Variants in CHIT1 observed in about 807,000 individuals in gnomAD.
CHIT1 encodes the protein chitotriosidase-1.
CHIT1 carries 47 observed loss-of-function variants against 52.0 expected under a neutral mutation model. The ratio of observed to expected loss-of-function variants is 0.90; its 90% CI spans 0.71 to 1.15. CHIT1 has a LOEUF of 1.15. Ranked by LOEUF, CHIT1 falls within the 50% of genes most tolerant of loss-of-function variation. CHIT1 has a pLI of 0.00. For synonymous variants in CHIT1, 242 were observed against 228.2 expected (o/e 1.06, Z -0.54); for missense variants, 569 against 583.0 (o/e 0.98, Z 0.25).
chr1:203,217,046 C>G lies in CHIT1; in HGVS notation c.1244G>C (p.Gly415Ala), dbSNP rs145865814. 1.2e-6 allele frequency: 2 copies of G among 1,614,040 alleles called. No homozygotes were observed. The highest frequency in any genetic ancestry group is 1.7e-6 in the Non-Finnish European group (2 of 1,180,042). Reference protein sequence around the residue: ...PSEPEHGPSPGQDTFCQGKAD... With the variant: ...PSEPEHGPSPAQDTFCQGKAD... ...TTTGCCCTGGCAGAACGTGTCTTGT[C>G]CAGGGCTGGGGCCATGCTCAGGTTC... Residue 415 changes from glycine (G) to alanine (A), a missense_variant, in exon 11 of 11, where the codon GGA becomes GCA. Coordinates refer to ENST00000367229, the MANE Select transcript of CHIT1 (RefSeq NM_003465.3).
Position 203,223,010 on chromosome 1 carries a change from G to A in CHIT1, c.605+125C>T, listed in dbSNP as rs1193952861. ...GGGAATTTTCTGCTTTTGTTCTGGT[G>A]TAAGGATGGGACTTTCCAAATGCCT... On this transcript the variant is annotated intron_variant, in intron 6 of 10. Transcript: ENST00000367229. 18 of 1,308,104 alleles carry A rather than the reference G, an allele frequency of 1.4e-5. No individual in the cohort carries two copies. In the East Asian group the frequency reaches 2.1e-4, roughly 15 times the overall value. The allele number at this position is 1,308,104 out of a possible 1,614,324, so 81.0% of individuals were successfully genotyped here.
chr1:203,223,452 G>A, intron 5 of CHIT1, 43 bp downstream of exon 5: 1 of 1,612,000 alleles, frequency 6.2e-7, no homozygotes, highest in Non-Finnish European at 8.5e-7. Context: ...TCCAGCTCTG[G>A]GTCCCTGCAC....
In CHIT1 at chr1:203,225,078, G is replaced by T. The variant is rs201565452; in HGVS notation, c.284C>A (p.Ala95Asp). Residue 95 changes from alanine (A) to aspartate (D), a missense_variant, in exon 4 of 11, where the codon GCC (alanine) becomes GAC (aspartate). Ala to Asp is a moderately radical substitution (Grantham distance 126, BLOSUM62 -2). Transcript: ENST00000367229. ...KMNPKLKTLLAIGGWNFGTQK... is the reference protein window; with the variant it reads ...KMNPKLKTLLDIGGWNFGTQK... ...AGTGCCGAAATTCCAGCCTCCGATGGCTAACAGGGTCTTCAGCTTGGGATT... is the reference window on the plus strand; with the variant it reads ...AGTGCCGAAATTCCAGCCTCCGATGTCTAACAGGGTCTTCAGCTTGGGATT... 1 of 1,613,860 alleles carries T rather than the reference G, an allele frequency of 6.2e-7. No individual in the cohort carries two copies. Among genetic ancestry groups the T allele is most frequent in the South Asian group, 1.1e-5 (1 of 91,076 alleles).
rs1335957113 is a variant in CHIT1 at position 203,219,729 on chromosome 1, G to A, written c.850C>T (p.Pro284Ser). 3.1e-6 allele frequency: 5 copies of A among 1,613,914 alleles called. No individual in the cohort carries two copies. The highest frequency in any genetic ancestry group is 3.3e-5 in the Admixed American group (2 of 59,998). The change falls in exon 8 of 11, where the codon CCA (proline) becomes TCA (serine). Residue 284 changes from proline to serine, a missense_variant. Pro to Ser is a moderately conservative substitution (Grantham distance 74). Transcript: ENST00000367229. ...CCTGGAGTGCCAGACCCTGTGGCTG[G>A]GGCCCCCACTCTGGTGTCTGATGAG... is the stretch of plus-strand genomic sequence containing the variant. ...ASSSDTRVGA[P>S]ATGSGTPGPF...
chr1:203,225,816 C>T lies in CHIT1; in HGVS notation c.110G>A (p.Gly37Glu). 6.2e-7 allele frequency: 1 copy of T among 1,614,164 alleles called. No individual in the cohort carries two copies. Among genetic ancestry groups the T allele is most frequent in the South Asian group, 1.1e-5 (1 of 91,084 alleles). ...YFTNWAQYRQ[G>E]EARFLPKDLD... ...GTCCTTGGGCAGGAAGCGAGCCTCC[C>T]CCTGTCTGTACTGGGCCCAGTTGGT... Residue 37 changes from glycine to glutamate, a missense_variant, in exon 3 of 11, where the codon GGG (glycine) becomes GAG (glutamate). Gly to Glu is a moderately conservative substitution (Grantham distance 98). Coordinates refer to ENST00000367229, the MANE Select transcript of CHIT1 (RefSeq NM_003465.3).
chr1:203,223,628 C>T lies in CHIT1; in HGVS notation c.347G>A (p.Arg116His), dbSNP rs575619015. ...FTDMVATANN[R>H]QTFVNSAIRF... ...GATGGCCGAGTTGACAAAGGTCTGA[C>T]GGTTGTTGGCCGTGGCTACCATATC... Residue 116 changes from arginine (R) to histidine (H), a missense_variant, in exon 5 of 11, where the codon CGT (arginine) becomes CAT (histidine). Coordinates refer to ENST00000367229, the MANE Select transcript of CHIT1 (RefSeq NM_003465.3). 1.6e-5 allele frequency: 26 copies of T among 1,614,230 alleles called. No homozygotes were observed. Among genetic ancestry groups the T allele is most frequent in the East Asian group, 4.5e-5 (2 of 44,890 alleles).
chr1:203,217,961 C>T (rs777185350), intron 9 of CHIT1, 96 bp from the exon 10 acceptor site: 27 of 1,542,456 alleles, frequency 1.8e-5, no homozygotes, highest in Non-Finnish European at 2.4e-5. Flanking sequence ...CCTTTTTGCT[C>T]CAGCAGCCTC....
chr1:203,229,615 C>T lies in CHIT1; in HGVS notation c.22G>A (p.Ala8Thr), dbSNP rs748820225. The change falls in exon 1 of 11, where the codon GCA (alanine) becomes ACA (threonine). Residue 8 changes from alanine (A) to threonine (T), a missense_variant. Physicochemically the swap from Ala to Thr is moderately conservative, Grantham distance 58 (BLOSUM62 0). Coordinates refer to ENST00000367229, the MANE Select transcript of CHIT1 (RefSeq NM_003465.3). ...AGCCCACTATCCGACGGCTCACCTG[C>T]CCAGGCCACAGACCGCACCATGATG... is the stretch of plus-strand genomic sequence containing the variant. MVRSVAWAGFMVLLMIPW... is the reference protein window; with the variant it reads MVRSVAWTGFMVLLMIPW... The T allele has an allele frequency of 6.2e-6, 10 of 1,613,986 alleles. No individual in the cohort carries two copies. The highest frequency in any genetic ancestry group is 8.5e-6 in the Non-Finnish European group (10 of 1,180,018).
rs140151000 is a variant in CHIT1, at chr1:203,219,777, C to T, written c.802G>A (p.Gly268Arg). The T allele has an allele frequency of 2.0e-4, 316 of 1,613,326 alleles. 1 individual carries two copies. The African/African-American group carries it at 3.9e-3, about 20-fold the overall frequency. Residue 268 changes from glycine to arginine, a missense_variant, in exon 8 of 11, where the codon GGA becomes AGA. Physicochemically the swap from Gly to Arg is moderately radical, Grantham distance 125. Transcript: ENST00000367229. ...SKLILGMPTYGRSFTLASSSD... is the reference protein window; with the variant it reads ...SKLILGMPTYRRSFTLASSSD... Reference sequence around the variant, plus strand: ...GAGGAGGCCAGTGTGAAGGAGCGTCCGTAGGTAGGCATGCCAAGGATCAGC... The same window carrying T: ...GAGGAGGCCAGTGTGAAGGAGCGTCTGTAGGTAGGCATGCCAAGGATCAGC...
At chr1:203,222,918 G>A (rs1571847264) in intron 6 of CHIT1, among the ~76,000 whole-genome samples, 1 of 152,306 alleles carries the variant, frequency 6.6e-6, no homozygotes, top group South Asian at 2.1e-4. Context: ...ATCTGGAACA[G>A]GGCAGCAGTG....
intron 8 of CHIT1, 97 bp from the exon 9 acceptor site, chr1:203,219,426 T>C (rs1656651906): frequency 1.1e-6 from 1 of 929,390 alleles, no homozygotes; most frequent in East Asian, 2.4e-5. Flanking sequence ...GGAAAATTCC[T>C]GTCTGAGGAA....
chr1:203,229,067 G>A (rs868275369), intron 1 of CHIT1, among the ~76,000 whole-genome samples: 2 of 152,156 alleles, frequency 1.3e-5, no homozygotes, highest in Non-Finnish European at 2.9e-5. Context: ...CAGCCTTGGA[G>A]ACCTAGGGTC....
At chr1:203,218,559 G>A (rs1243081272) in intron 9 of CHIT1, among the ~76,000 whole-genome samples, 1 of 152,062 alleles carries the variant, frequency 6.6e-6, no homozygotes, top group Non-Finnish European at 1.5e-5. Flanking sequence ...CTGCACCCGC[G>A]TCTTTGCTTG....
rs1246065511 is a variant in CHIT1 at position 203,219,796 on chromosome 1, G to T, written c.783C>A (p.Ile261=). 20 of 1,612,932 alleles carry T rather than the reference G, an allele frequency of 1.2e-5. No individual in the cohort carries two copies. Among genetic ancestry groups the T allele is most frequent in the Non-Finnish European group, 1.6e-5 (19 of 1,179,900 alleles). ...AGCGTCCGTAGGTAGGCATGCCAAG[G>T]ATCAGCTTGCTGGCAGGGGTCCCCT... is the stretch of plus-strand genomic sequence containing the variant. The part of the protein sequence containing the change: ...LQKGTPASKL[I]LGMPTYGRSF... The change falls in exon 8 of 11, where the codon ATC becomes ATA. Residue 261 remains isoleucine (I), a synonymous_variant. Coordinates refer to ENST00000367229, the MANE Select transcript of CHIT1 (RefSeq NM_003465.3).
chr1:203,226,212 C>T (rs1558163194), intron 2 of CHIT1, among the ~76,000 whole-genome samples: 2 of 152,198 alleles, frequency 1.3e-5, no homozygotes, highest in Non-Finnish European at 1.5e-5. Flanking sequence ...GTGCTGCGAC[C>T]CAAGTCTCAT....
Position 203,225,102 on chromosome 1 carries a change from T to C in CHIT1, c.260A>G (p.Asn87Ser). 6.2e-7 allele frequency: 1 copy of C among 1,613,756 alleles called. No individual in the cohort carries two copies. The highest frequency in any genetic ancestry group is 1.3e-5 in the African/African-American group (1 of 74,954). ...GGCTAACAGGGTCTTCAGCTTGGGA[T>C]TCCTGGGAAAGACAGGAGACACAGC... ...YQEFNGLKKM[N>S]PKLKTLLAIG... The change falls in exon 4 of 11, where the codon AAT becomes AGT. Residue 87 changes from asparagine to serine, a missense_variant and splice_region_variant. Physicochemically the swap from Asn to Ser is conservative, Grantham distance 46. Coordinates refer to ENST00000367229, the MANE Select transcript of CHIT1 (RefSeq NM_003465.3).
intron 7 of CHIT1, among the ~76,000 whole-genome samples, chr1:203,220,336 G>A (rs768197452): frequency 6.6e-6 from 1 of 152,174 alleles, no homozygotes; most frequent in Non-Finnish European, 1.5e-5. Flanking sequence ...GGGTCGCTGT[G>A]GTCATCATCG....
At position 203,223,478 on chromosome 1, in the gene CHIT1, G is replaced by A. The variant is rs773980064; in HGVS notation, c.480+17C>T. 34 of 1,613,458 alleles carry A rather than the reference G, an allele frequency of 2.1e-5. 1 individual carries two copies. The highest frequency in any genetic ancestry group is 3.5e-4 in the Middle Eastern group (2 of 5,780). ...GTCCCTGCACAGACTGGTGATCCCCGCCCCGCCCAGCCATACCTGTACCAG... is the reference window on the plus strand; with the variant it reads ...GTCCCTGCACAGACTGGTGATCCCCACCCCGCCCAGCCATACCTGTACCAG... On this transcript the variant is annotated intron_variant, in intron 5 of 10. Coordinates refer to ENST00000367229, the MANE Select transcript of CHIT1 (RefSeq NM_003465.3).
intron 3 of CHIT1, 79 bp from the exon 4 acceptor site, chr1:203,225,183 G>T: frequency 1.5e-6 from 2 of 1,331,020 alleles, no homozygotes; most frequent in Non-Finnish European, 2.2e-6. Context: ...CAGTGGGGAG[G>T]AACAACAGGG....
Sources: gnomAD v4.1 joint callset for allele counts (sites outside exome capture counted in the v4.1 genomes callset) on GRCh38, gnomAD v4.1.1 for gene constraint, MANE v1.5 for transcripts, NCBI Gene and HGNC (gene_info 2026-07-23, HGNC 2026-07-21) for gene names.